Variants in CRIM1 observed in about 807,000 individuals in gnomAD.
CRIM1 encodes cysteine-rich motor neuron 1 protein.
CRIM1 carries 32 observed loss-of-function variants against 116.4 expected under a neutral mutation model. The ratio of observed to expected loss-of-function variants is 0.27; its 90% CI spans 0.21 to 0.37. The LOEUF (loss-of-function observed/expected upper bound fraction) is 0.37. Among genes scored for constraint, CRIM1 ranks in the 10% least tolerant of loss-of-function variants. The probability of loss-of-function intolerance (pLI) is 1.00; values close to 1 mark genes in which losing one functional copy is unlikely to be tolerated. For synonymous variants in CRIM1, 590 were observed against 509.2 expected (o/e 1.16, Z -2.13); for missense variants, 1,331 against 1,354.8 (o/e 0.98, Z 0.28).
At chr2:36,447,008 A>G (rs1317996442) in intron 4 of CRIM1, among the ~76,000 whole-genome samples, 1 of 152,242 alleles carries the variant, frequency 6.6e-6, no homozygotes, top group East Asian at 1.9e-4. Flanking sequence ...AAAAACCAAG[A>G]TAGTCTTTAA....
chr2:36,420,746 G>A (rs1558564336), intron 2 of CRIM1, among the ~76,000 whole-genome samples: 1 of 152,174 alleles, frequency 6.6e-6, no homozygotes, highest in Non-Finnish European at 1.5e-5. Context: ...GAGCACAGTC[G>A]ACACTGCAAC....
chr2:36,448,745 G>A (rs190281693), intron 4 of CRIM1, among the ~76,000 whole-genome samples: 7 of 152,162 alleles, frequency 4.6e-5, no homozygotes, highest in South Asian at 2.1e-4. Flanking sequence ...TAAATATGCC[G>A]TTCTTAAAAG....
chr2:36,408,455 T>A (rs1672977205), intron 2 of CRIM1, among the ~76,000 whole-genome samples: 1 of 152,142 alleles, frequency 6.6e-6, no homozygotes, highest in South Asian at 2.1e-4. Context: ...CCACAAAGGT[T>A]TTTCCTGACA....
At chr2:36,491,181 T>G (rs1486223378) in intron 7 of CRIM1, among the ~76,000 whole-genome samples, 1 of 152,210 alleles carries the variant, frequency 6.6e-6, no homozygotes, top group East Asian at 1.9e-4. Context: ...GATCTTACAT[T>G]AAGAATTTTA....
rs1249054940 is a variant in CRIM1 at position 36,550,447 on chromosome 2, C to G, written c.*1746C>G. The G allele has an allele frequency of 6.6e-6, 1 of 152,218 alleles. No individual in the cohort carries two copies. The highest frequency in any genetic ancestry group is 1.5e-5 in the Non-Finnish European group (1 of 67,960). 9.4% of individuals were successfully genotyped at this position (152,218 alleles called of 1,614,324 possible). ...TGCTTGTTGTGAAAGACACAGATAC[C>G]CAGTATGCTTAACGTGAAAAGAAAA... On this transcript the variant is annotated 3_prime_UTR_variant, in exon 17 of 17. Transcript: ENST00000280527.
intron 7 of CRIM1, among the ~76,000 whole-genome samples, chr2:36,480,385 G>A (rs1419517135): frequency 6.6e-6 from 1 of 152,158 alleles, no homozygotes; most frequent in Non-Finnish European, 1.5e-5. Flanking sequence ...ATGTGTGTTA[G>A]TGCAGACAAG....
At chr2:36,404,319 G>A (rs1294379499) in intron 2 of CRIM1, among the ~76,000 whole-genome samples, 2 of 152,160 alleles carry the variant, frequency 1.3e-5, no homozygotes, top group African/African-American at 4.8e-5. Flanking sequence ...AAAAGTATCT[G>A]ACTATAGTAG....
At chr2:36,502,001 G>A (rs1681034357) in intron 8 of CRIM1, among the ~76,000 whole-genome samples, 1 of 152,126 alleles carries the variant, frequency 6.6e-6, no homozygotes, top group Non-Finnish European at 1.5e-5. Context: ...TCCTTCTAAT[G>A]CCTCTTACAT....
intron 5 of CRIM1, among the ~76,000 whole-genome samples, chr2:36,471,761 C>CACA (rs72156127): frequency 0.16 from 20,070 of 128,496 alleles, 1,415 homozygotes; most frequent in Middle Eastern, 0.2. Flanking sequence ...ACACACACAC[C>CACA]ATCTTACAAT....
At chr2:36,506,243 A>T (rs956114162) in intron 8 of CRIM1, among the ~76,000 whole-genome samples, 3 of 150,796 alleles carry the variant, frequency 2.0e-5, no homozygotes, top group African/African-American at 7.3e-5. Context: ...TAGATACCCC[A>T]GTTCACCTAA....
At chr2:36,452,414 C>A (rs1676803209) in intron 4 of CRIM1, among the ~76,000 whole-genome samples, 1 of 152,036 alleles carries the variant, frequency 6.6e-6, no homozygotes, top group Non-Finnish European at 1.5e-5. Context: ...ATTCTGTTGC[C>A]CTCTGTCACA....
chr2:36,476,755 T>C (rs1241894561), intron 5 of CRIM1, 134 bp from the exon 6 acceptor site: 1 of 686,662 alleles, frequency 1.5e-6, no homozygotes, highest in Admixed American at 2.6e-5. Flanking sequence ...TACATGAACT[T>C]ACATTGAGTT....
Position 36,547,015 on chromosome 2 carries a change from T to G in CRIM1, c.2778T>G (p.Asp926Glu), listed in dbSNP as rs1486846310. The change falls in exon 16 of 17, where the codon GAT (aspartate) becomes GAG (glutamate). Residue 926 changes from aspartate to glutamate, a missense_variant. Physicochemically the swap from Asp to Glu is conservative, Grantham distance 45. This residue lies in a region of CRIM1 where 283 missense variants were observed against 242.8 expected (regional missense o/e 1.17). Coordinates refer to ENST00000280527, the MANE Select transcript of CRIM1 (RefSeq NM_016441.3). ...GTCACCTCCAGGTAGATTACAGAGA[T>G]AACAGGCTGCACCCAAGTGAAGATT... ...DMGHLQVDYR[D>E]NRLHPSEDSS... 2 of 1,612,352 alleles carry G rather than the reference T, an allele frequency of 1.2e-6. No homozygotes were observed. Among genetic ancestry groups the G allele is most frequent in the Non-Finnish European group, 1.7e-6 (2 of 1,178,930 alleles).
At chr2:36,473,450 C>A in intron 5 of CRIM1, among the ~76,000 whole-genome samples, 1 of 152,158 alleles carries the variant, frequency 6.6e-6, no homozygotes, top group Non-Finnish European at 1.5e-5. Flanking sequence ...CAATCATCAA[C>A]ACAATCAGTT....
At chr2:36,361,476 G>A (rs1301475348) in intron 1 of CRIM1, among the ~76,000 whole-genome samples, 2 of 152,164 alleles carry the variant, frequency 1.3e-5, no homozygotes, top group African/African-American at 4.8e-5. Context: ...TGAGGCAGGG[G>A]ATGGGCATTA....
chr2:36,366,012 C>T (rs1219443704), intron 1 of CRIM1, among the ~76,000 whole-genome samples: 1 of 152,208 alleles, frequency 6.6e-6, no homozygotes, highest in Non-Finnish European at 1.5e-5. Flanking sequence ...AGGCGTGAGC[C>T]ACCGCGCCCA....
At chr2:36,400,578 A>T (rs148266796) in intron 2 of CRIM1, among the ~76,000 whole-genome samples, 33 of 152,306 alleles carry the variant, frequency 2.2e-4, no homozygotes, top group Middle Eastern at 6.8e-3. Flanking sequence ...TAGCAGTGAG[A>T]ACAAAGAGGA....
In CRIM1 at chr2:36,356,370, G is replaced by C; in HGVS notation, c.78G>C (p.Leu26=). 1 of 1,595,516 alleles carries C rather than the reference G, an allele frequency of 6.3e-7. No homozygotes were observed. Among genetic ancestry groups the C allele is most frequent in the East Asian group, 2.3e-5 (1 of 44,142 alleles). ...LLVSLLGLLL[L]LARSGTRALV... ...TCTCGCTGCTGGGGCTGCTGCTGCT[G>C]CTGGCGCGCTCCGGCACCCGGGCGC... The change falls in exon 1 of 17, where the codon CTG becomes CTC. Residue 26 remains leucine, a synonymous_variant. Coordinates refer to ENST00000280527, the MANE Select transcript of CRIM1 (RefSeq NM_016441.3). This position sits in a 1 kb window ranked among gnomAD's most constrained non-coding sequence, Gnocchi z 4.3.
At chr2:36,539,695 T>C (rs959961627) in intron 14 of CRIM1, among the ~76,000 whole-genome samples, 1 of 152,140 alleles carries the variant, frequency 6.6e-6, no homozygotes, top group African/African-American at 2.4e-5. Flanking sequence ...GTTCTGACTA[T>C]GCCATATGAG....
Sources: gnomAD v4.1 joint callset for allele counts (sites outside exome capture counted in the v4.1 genomes callset) on GRCh38, gnomAD v4.1.1 for gene constraint, gnomAD v4.1.1 regional missense constraint, Gnocchi (gnomAD v3.1) non-coding constraint, MANE v1.5 for transcripts, NCBI Gene and HGNC (gene_info 2026-07-23, HGNC 2026-07-21) for gene names.